SHROOM2: variants seen among roughly 807,000 people sequenced by gnomAD.
SHROOM2 encodes the protein protein Shroom2.
A neutral mutation model predicts 75.9 loss-of-function variants in SHROOM2; 33 were observed. That is an observed-to-expected ratio of 0.43 (90% CI 0.33 to 0.58). The LOEUF (loss-of-function observed/expected upper bound fraction) is 0.58. Among genes scored for constraint, SHROOM2 ranks in the 20% least tolerant of loss-of-function variants. SHROOM2 has a pLI of 0.04. For synonymous variants in SHROOM2, 655 were observed against 663.6 expected, an observed-to-expected ratio of 0.99 and a Z score of 0.20; for missense variants, 1,434 against 1,461.2, an observed-to-expected ratio of 0.98 and a Z score of 0.30.
At chrX:9,925,607 A>G (rs1286785568) in intron 5 of SHROOM2, among the ~76,000 whole-genome samples, 1 of 112,359 alleles carries the variant, frequency 8.9e-6, no homozygotes, top group African/African-American at 3.2e-5. Flanking sequence ...CAGTTGTCCC[A>G]TGAGATAATT....
intron 1 of SHROOM2, among the ~76,000 whole-genome samples, chrX:9,840,303 G>A (rs1021198814): frequency 1.2e-4 from 13 of 111,540 alleles, no homozygotes; most frequent in Middle Eastern, 4.6e-3. Context: ...TTTCTTTTTG[G>A]AGACAGGGTC....
At chrX:9,919,717 C>T (rs1247799953) in intron 5 of SHROOM2, among the ~76,000 whole-genome samples, 1 of 111,137 alleles carries the variant, frequency 9.0e-6, no homozygotes, top group Non-Finnish European at 1.9e-5. Flanking sequence ...TTGGGAACCA[C>T]CAGGCATGCA....
chrX:9,820,370 C>A (rs1251203863), intron 1 of SHROOM2, among the ~76,000 whole-genome samples: 2 of 108,428 alleles, frequency 1.8e-5, no homozygotes, highest in African/African-American at 6.7e-5. Context: ...TGCATTCCTC[C>A]CCCACCCTTT....
chrX:9,801,019 C>T (rs763654471), intron 1 of SHROOM2, among the ~76,000 whole-genome samples: 4 of 111,069 alleles, frequency 3.6e-5, no homozygotes, highest in African/African-American at 6.6e-5. Flanking sequence ...CAGACATACC[C>T]GAGACTGGGT....
intron 2 of SHROOM2, among the ~76,000 whole-genome samples, chrX:9,880,345 G>A (rs2084224910): frequency 8.8e-6 from 1 of 113,093 alleles, no homozygotes; most frequent in Non-Finnish European, 1.9e-5. Flanking sequence ...CAAAGGCTCT[G>A]TCTGTCCCAC....
chrX:9,936,489 A>G (rs1004565653), intron 6 of SHROOM2, among the ~76,000 whole-genome samples: 4 of 111,852 alleles, frequency 3.6e-5, no homozygotes, highest in African/African-American at 9.8e-5. Flanking sequence ...TTACTGCGAG[A>G]TCGTATCTCA....
rs757241334 is a variant in SHROOM2, at chrX:9,932,147, G to A, written c.2892-28G>A. On this transcript the variant is annotated intron_variant, in intron 5 of 9. Coordinates refer to ENST00000380913, the MANE Select transcript of SHROOM2 (RefSeq NM_001649.4). ...GTGGGAAGGTATTATTGGAATCGTT[G>A]ATTAATTTGTACTTGTTCTTCCTCT... 17 of 1,106,142 alleles carry A rather than the reference G, an allele frequency of 1.5e-5. No individual in the cohort carries two copies. The South Asian group carries it at 3.9e-4, about 26-fold the overall frequency. The allele number at this position is 1,106,142 out of a possible 1,213,427, so 91.2% of individuals were successfully genotyped here.
At chrX:9,834,123 C>T (rs775890329) in intron 1 of SHROOM2, among the ~76,000 whole-genome samples, 6 of 112,400 alleles carry the variant, frequency 5.3e-5, no homozygotes, top group African/African-American at 1.9e-4. Context: ...TGCTGCTCAA[C>T]ATCTGCCAGT....
chrX:9,890,866 G>A (rs2084287024), intron 2 of SHROOM2, 111 bp from the exon 3 acceptor site: 7 of 791,990 alleles, frequency 8.8e-6, no homozygotes, highest in Non-Finnish European at 1.2e-5. Flanking sequence ...TGCACTGTTT[G>A]GCACGAGCGT....
chrX:9,806,846 C>T (rs2083755855), intron 1 of SHROOM2, among the ~76,000 whole-genome samples: 1 of 110,610 alleles, frequency 9.0e-6, no homozygotes, highest in African/African-American at 3.3e-5. Context: ...GCTTCAGCCT[C>T]CCAAGTAGCT....
intron 6 of SHROOM2, among the ~76,000 whole-genome samples, chrX:9,935,996 C>T (rs954747718): frequency 9.0e-6 from 1 of 111,543 alleles, no homozygotes; most frequent in Non-Finnish European, 1.9e-5. Context: ...CAGGGCTGCC[C>T]CAGACAAGGG....
chrX:9,904,637 C>T (rs1009988918), intron 5 of SHROOM2, among the ~76,000 whole-genome samples: 7 of 112,510 alleles, frequency 6.2e-5, no homozygotes, highest in African/African-American at 2.3e-4. Context: ...CAGCTGGCTG[C>T]GTTCTTCAAA....
chrX:9,875,014 G>C (rs781451780), intron 2 of SHROOM2, among the ~76,000 whole-genome samples: 1 of 88,867 alleles, frequency 1.1e-5, no homozygotes, highest in Non-Finnish European at 2.1e-5. Flanking sequence ...CTGGGAGGTC[G>C]AGGCTACAAC....
intron 5 of SHROOM2, among the ~76,000 whole-genome samples, chrX:9,926,133 C>T (rs975688200): frequency 1.8e-5 from 2 of 111,786 alleles, no homozygotes; most frequent in Admixed American, 9.5e-5. Flanking sequence ...CTGCTGCTAG[C>T]TCACCGCCAT....
chrX:9,889,520 C>T (rs145736624), intron 2 of SHROOM2, among the ~76,000 whole-genome samples: 1,953 of 111,654 alleles, frequency 0.017, 44 homozygotes, highest in African/African-American at 0.055. Flanking sequence ...GAGGATCTCA[C>T]GCCCAGCAGT....
chrX:9,931,781 A>T (rs905753313), intron 5 of SHROOM2, among the ~76,000 whole-genome samples: 5 of 112,259 alleles, frequency 4.5e-5, no homozygotes, highest in African/African-American at 1.3e-4. Context: ...CCACATAAAA[A>T]TACTGTGACT....
At chrX:9,799,562 C>G (rs2083713339) in intron 1 of SHROOM2, among the ~76,000 whole-genome samples, 1 of 111,511 alleles carries the variant, frequency 9.0e-6, no homozygotes, top group Non-Finnish European at 1.9e-5. Flanking sequence ...AATTGCTTCA[C>G]TGAAAAAAAT....
chrX:9,921,989 G>A (rs776604549), intron 5 of SHROOM2, among the ~76,000 whole-genome samples: 3 of 111,375 alleles, frequency 2.7e-5, no homozygotes, highest in East Asian at 2.8e-4. Context: ...GTCAGAGTCC[G>A]GCCTACTTCT....
At chrX:9,808,515 C>T in intron 1 of SHROOM2, among the ~76,000 whole-genome samples, 1 of 110,532 alleles carries the variant, frequency 9.0e-6, no homozygotes, top group Non-Finnish European at 1.9e-5. Flanking sequence ...CGGCACTGTA[C>T]TCCAGCCTAG....
Sources: gnomAD v4.1 joint callset for allele counts (sites outside exome capture counted in the v4.1 genomes callset) on GRCh38, gnomAD v4.1.1 for gene constraint, MANE v1.5 for transcripts, NCBI Gene and HGNC (gene_info 2026-07-23, HGNC 2026-07-21) for gene names.